Variants in PDS5A observed in about 807,000 individuals in gnomAD.
PDS5A encodes the protein PDS5 cohesin associated factor A.
Under a neutral mutation model 167.1 loss-of-function variants are expected in PDS5A, and 42 were observed. The ratio of observed to expected loss-of-function variants is 0.25; its 90% CI spans 0.20 to 0.33. The LOEUF (loss-of-function observed/expected upper bound fraction) is 0.33. Among genes scored for constraint, PDS5A ranks in the 10% least tolerant of loss-of-function variants. PDS5A has a pLI of 1.00. For missense variants in PDS5A, 1,033 were observed against 1,605.9 expected (o/e 0.64, Z 6.10); for synonymous variants, 553 against 554.6 (o/e 1.00, Z 0.04).
intron 22 of PDS5A, 134 bp from the exon 23 acceptor site, chr4:39,867,131 A>C (rs1719527726): frequency 1.5e-6 from 1 of 653,992 alleles, no homozygotes; most frequent in Non-Finnish European, 2.5e-6. Flanking sequence ...ATGGGATAAT[A>C]ACAGCAACAA....
chr4:39,833,191 CAAAAAAAAAAAAAAA>C (rs1166233113), intron 32 of PDS5A, among the ~76,000 whole-genome samples: 12 of 37,928 alleles, frequency 3.2e-4, no homozygotes, highest in South Asian at 1.4e-3. Flanking sequence ...AACTCCGTCT[CAAAAAAAAAAAAAAA>C]AAAAAAAAAA....
intron 30 of PDS5A, among the ~76,000 whole-genome samples, 175 bp downstream of exon 30, chr4:39,844,478 CAAA>C (rs9306976): frequency 0.42 from 54,494 of 130,384 alleles, 11,111 homozygotes; most frequent in East Asian, 0.64. Flanking sequence ...GACTTTGTCT[CAAA>C]AAAAAAAAAA....
At chr4:39,976,994 G>A (rs1258130087) in intron 1 of PDS5A, among the ~76,000 whole-genome samples, 1 of 152,146 alleles carries the variant, frequency 6.6e-6, no homozygotes, top group Non-Finnish European at 1.5e-5. Flanking sequence ...CGCCCGGCCA[G>A]TCCCCTCCGG....
At chr4:39,836,813 T>TG (rs1261059073) in intron 32 of PDS5A, among the ~76,000 whole-genome samples, 2 of 144,788 alleles carry the variant, frequency 1.4e-5, no homozygotes, top group Admixed American at 7.0e-5. Flanking sequence ...TCAGTAACTT[T>TG]TTTTTTTTTT....
rs1049442812 is a variant in PDS5A, at chr4:39,869,315, A to AT, written c.2505+78dup. The AT allele has an allele frequency of 4.5e-6, 4 of 891,742 alleles. 1 individual carries two copies. Among genetic ancestry groups the AT allele is most frequent in the South Asian group, 2.7e-5 (2 of 73,662 alleles). 55.2% of individuals were successfully genotyped at this position (891,742 alleles called of 1,614,324 possible). A position where few individuals can be genotyped will look rare whatever the true frequency, so the allele number is the denominator to read the frequency against. On this transcript the variant is annotated intron_variant, in intron 22 of 32. Transcript: ENST00000303538. ...GCAAGATCCCATCTCTGTTTATTAA[A>AT]TTTTTTAAAGGTGAGGAAGATAACT...
Position 39,898,431 on chromosome 4 carries a change from T to A in PDS5A, c.1728A>T (p.Leu576Phe). The change falls in exon 16 of 33, where the codon TTA becomes TTT. Residue 576 changes from leucine to phenylalanine, a missense_variant. By Grantham distance (22) the Leu-to-Phe change is conservative (BLOSUM62 0). Coordinates refer to ENST00000303538, the MANE Select transcript of PDS5A (RefSeq NM_001100399.2). ...GTTTGCAAGAACAGGTTGGGCTAATTAATAACTCCAACTGAGACCGAAGTT... is the reference window on the plus strand; with the variant it reads ...GTTTGCAAGAACAGGTTGGGCTAATAAATAACTCCAACTGAGACCGAAGTT... Reference protein sequence around the residue: ...DEKLRSQLELLISPTCSCKQA... With the variant: ...DEKLRSQLELFISPTCSCKQA... 1 of 1,592,872 alleles carries A rather than the reference T, an allele frequency of 6.3e-7. No homozygotes were observed. The highest frequency in any genetic ancestry group is 1.7e-5 in the Admixed American group (1 of 57,652).
At chr4:39,976,222 G>C (rs1431990068) in intron 2 of PDS5A, 1 of 360,490 alleles carries the variant, frequency 2.8e-6, no homozygotes, top group Non-Finnish European at 5.0e-6. Context: ...TTGAAAACCA[G>C]TAAGTTTTTG....
intron 26 of PDS5A, among the ~76,000 whole-genome samples, chr4:39,854,290 G>A (rs1414636563): frequency 3.9e-5 from 6 of 152,134 alleles, no homozygotes; most frequent in East Asian, 1.9e-4. Context: ...GCGACAGAAC[G>A]AGACTCCATC....
chr4:39,941,345 G>GTT (rs1727207134), intron 2 of PDS5A, among the ~76,000 whole-genome samples: 1 of 152,150 alleles, frequency 6.6e-6, no homozygotes, highest in East Asian at 1.9e-4. Context: ...AACCTGTCAG[G>GTT]TGTAAAGACA....
rs561356255 is a variant in PDS5A at position 39,845,471 on chromosome 4, A to C, written c.3402+347T>G. ...CTTTTGCTGTTTTAGGTGTCACCAT[A>C]TTACTTACATAGAACATGAATTGTC... On this transcript the variant is annotated intron_variant, in intron 29 of 32. Transcript: ENST00000303538. Among the ~76,000 whole-genome samples the C allele has an allele frequency of 7.7e-4, 118 of 152,310 alleles. 1 individual carries two copies. Among genetic ancestry groups the C allele is most frequent in the African/African-American group, 2.5e-3 (106 of 41,578 alleles).
At chr4:39,857,179 C>T (rs940268786) in intron 26 of PDS5A, among the ~76,000 whole-genome samples, 17 of 151,958 alleles carry the variant, frequency 1.1e-4, no homozygotes, top group Admixed American at 5.9e-4. Flanking sequence ...GGTGAAACCC[C>T]GTCTCTACTG....
chr4:39,863,482 T>G, intron 23 of PDS5A, 23 bp from the exon 24 acceptor site: 1 of 1,561,068 alleles, frequency 6.4e-7, no homozygotes, highest in South Asian at 1.2e-5. Flanking sequence ...AAAAAAGAAA[T>G]AAACATTTCC....
intron 17 of PDS5A, among the ~76,000 whole-genome samples, chr4:39,888,989 A>T (rs1437320380): frequency 6.6e-6 from 1 of 152,228 alleles, no homozygotes; most frequent in East Asian, 1.9e-4. Context: ...TTAAATTATC[A>T]GACATAGCCT....
At chr4:39,939,193 AGTG>A (rs1726978827) in intron 2 of PDS5A, among the ~76,000 whole-genome samples, 1 of 152,140 alleles carries the variant, frequency 6.6e-6, no homozygotes, top group Non-Finnish European at 1.5e-5. Context: ...TACATTGTAC[AGTG>A]GCTCATGCCC....
Position 39,902,371 on chromosome 4 carries a change from G to C in PDS5A, c.1475C>G (p.Ala492Gly). ...CTTTACAGCATTTGGATCCAAACTA[G>C]CATATAAGTAATATAAGCATTTCAT... ...ERMKCLYYLY[A>G]SLDPNAVKAL... is the part of the protein sequence containing the mutation. The change falls in exon 13 of 33, where the codon GCT (alanine) becomes GGT (glycine). Residue 492 changes from alanine to glycine, a missense_variant. Ala to Gly is a moderately conservative substitution (Grantham distance 60). Coordinates refer to ENST00000303538, the MANE Select transcript of PDS5A (RefSeq NM_001100399.2). 6.5e-7 allele frequency: 1 copy of C among 1,550,300 alleles called. No individual in the cohort carries two copies. The highest frequency in any genetic ancestry group is 1.7e-5 in the Admixed American group (1 of 58,004).
At chr4:39,931,764 T>C (rs901958766) in intron 2 of PDS5A, among the ~76,000 whole-genome samples, 3 of 152,148 alleles carry the variant, frequency 2.0e-5, no homozygotes, top group African/African-American at 4.8e-5. Flanking sequence ...CAGGGGACTA[T>C]ACAAGGGAGT....
At chr4:39,883,413 G>A (rs576934107) in intron 17 of PDS5A, among the ~76,000 whole-genome samples, 4 of 152,190 alleles carry the variant, frequency 2.6e-5, no homozygotes, top group African/African-American at 4.8e-5. Context: ...ACTCCTGACC[G>A]CAGGTGATCC....
chr4:39,870,299 G>C (rs1719910768), intron 21 of PDS5A, among the ~76,000 whole-genome samples: 1 of 152,030 alleles, frequency 6.6e-6, no homozygotes, highest in African/African-American at 2.4e-5. Flanking sequence ...TCTTGGATCT[G>C]GTAAATAGCT....
At chr4:39,949,301 C>CAAAAAAAAAA (rs71645201) in intron 2 of PDS5A, among the ~76,000 whole-genome samples, 4 of 93,932 alleles carry the variant, frequency 4.3e-5, no homozygotes, top group Admixed American at 1.4e-4. Context: ...GAACCTATCT[C>CAAAAAAAAAA]AAAAAAAAAA....
Sources: allele counts gnomAD v4.1 joint callset (sites outside exome capture counted in the v4.1 genomes callset), GRCh38; gene constraint gnomAD v4.1.1; transcripts MANE v1.5; gene names NCBI Gene and HGNC (gene_info 2026-07-23, HGNC 2026-07-21).